NCOA4: variants seen among roughly 807,000 people sequenced by gnomAD.
NCOA4 encodes the protein nuclear receptor coactivator 4, also known as 70 kDa AR-activator.
Under a neutral mutation model 69.5 loss-of-function variants are expected in NCOA4, and 31 were observed. That is an observed-to-expected ratio of 0.45 (90% CI 0.34 to 0.60). NCOA4 has a LOEUF of 0.60. Ranked by LOEUF, NCOA4 falls within the 20% of genes least tolerant of loss-of-function variation. The pLI is 0.02. For synonymous variants in NCOA4, 228 were observed against 252.4 expected (o/e 0.90, Z 0.92); for missense variants, 600 against 719.2 (o/e 0.83, Z 1.90).
rs560900792 is a variant in NCOA4, at chr10:46,005,801, CTT to C, written c.*789_*790del. The C allele has an allele frequency of 3.9e-3, 830 of 211,170 alleles. 6 individuals are homozygous for C. The highest frequency in any genetic ancestry group is 0.017 in the African/African-American group (762 of 44,224). The allele number at this position is 211,170 out of a possible 1,614,324, so 13.1% of individuals were successfully genotyped here. ...GTACTATACTACATTTCCAACATGT[CTT>C]TTGCCTATTTGCTTAGTCGGTACTG... On this transcript the variant is annotated 3_prime_UTR_variant, in exon 10 of 10. Transcript: ENST00000581486.
At chr10:46,028,531 CCATTA>C (rs1331882601) in intron 1 of NCOA4, among the ~76,000 whole-genome samples, 1 of 148,360 alleles carries the variant, frequency 6.7e-6, no homozygotes, top group South Asian at 2.1e-4. Context: ...ATTATCATCA[CCATTA>C]ATTAAAAAAA....
At chr10:46,027,024 G>T (rs888256607) in intron 1 of NCOA4, among the ~76,000 whole-genome samples, 3 of 152,136 alleles carry the variant, frequency 2.0e-5, no homozygotes, top group Non-Finnish European at 4.4e-5. Flanking sequence ...CCAAAACTTT[G>T]GAAGGCCGAG....
intron 1 of NCOA4, among the ~76,000 whole-genome samples, chr10:46,023,112 G>A (rs149380661): frequency 6.6e-6 from 1 of 152,314 alleles, no homozygotes; most frequent in East Asian, 1.9e-4. Flanking sequence ...TCGAAAACAA[G>A]GCATTTCTAA....
chr10:46,006,951 C>T (rs143877889), intron 9 of NCOA4, among the ~76,000 whole-genome samples: 62 of 152,282 alleles, frequency 4.1e-4, no homozygotes, highest in Non-Finnish European at 7.5e-4. Flanking sequence ...TTCTTTAAAT[C>T]AAAAGCCAGA....
At position 46,014,892 on chromosome 10, in the gene NCOA4, G is replaced by A. The variant is rs782302180; in HGVS notation, c.333C>T (p.Asn111=). 2 of 1,614,124 alleles carry A rather than the reference G, an allele frequency of 1.2e-6. No homozygotes were observed. Among genetic ancestry groups the A allele is most frequent in the Non-Finnish European group, 1.7e-6 (2 of 1,180,004 alleles). ...CAGAGACTTGATTGGCTAGATCTTT[G>A]TTTTGGGTACACTCCAGTTGATGAG... ...CLTHQLECTQ[N]KDLANQVSVC... Residue 111 remains asparagine (N), a synonymous_variant, in exon 4 of 10, where the codon AAC becomes AAT. Coordinates refer to ENST00000581486, the MANE Select transcript of NCOA4 (RefSeq NM_001145263.2).
chr10:46,025,993 T>G (rs746639033), intron 1 of NCOA4, among the ~76,000 whole-genome samples: 1 of 152,214 alleles, frequency 6.6e-6, no homozygotes, highest in African/African-American at 2.4e-5. Context: ...AAAATGTCCC[T>G]GGCAATTGTA....
chr10:46,028,889 G>C (rs1284184028), intron 1 of NCOA4, among the ~76,000 whole-genome samples: 1 of 152,110 alleles, frequency 6.6e-6, no homozygotes, highest in Non-Finnish European at 1.5e-5. Flanking sequence ...GGCTCTGAAT[G>C]CTAACACTAT....
chr10:46,023,533 T>A (rs1464457951), intron 1 of NCOA4: 1 of 985,180 alleles, frequency 1.0e-6, no homozygotes, highest in Non-Finnish European at 1.2e-6. Flanking sequence ...ATTGTTGCCC[T>A]GCTCCCAGCC....
intron 9 of NCOA4, 36 bp from the exon 10 acceptor site, chr10:46,006,633 A>G (rs782309843): frequency 8.7e-6 from 14 of 1,613,108 alleles, no homozygotes; most frequent in Non-Finnish European, 1.2e-5. Context: ...AAGTTACTTC[A>G]ATGAAGAATA....
At chr10:46,024,492 CTATGTA>C (rs1364176155) in intron 1 of NCOA4, among the ~76,000 whole-genome samples, 5 of 152,310 alleles carry the variant, frequency 3.3e-5, no homozygotes, top group Non-Finnish European at 5.9e-5. Context: ...AGCTACTCCC[CTATGTA>C]TATGTTCACT....
At position 46,016,103 on chromosome 10, in the gene NCOA4, C is replaced by T. The variant is rs573641235; in HGVS notation, c.141+437G>A. Among the ~76,000 whole-genome samples the T allele has an allele frequency of 3.9e-5, 6 of 152,228 alleles. No homozygotes were observed. In the East Asian group the frequency reaches 1.2e-3, roughly 29 times the overall value. On this transcript the variant is annotated intron_variant, in intron 2 of 9. Coordinates refer to ENST00000581486, the MANE Select transcript of NCOA4 (RefSeq NM_001145263.2). ...AACAACAGATTTCACTCTGGCTTGCCCTAACAGATAGTCATTTACAGAACA... is the reference window on the plus strand; with the variant it reads ...AACAACAGATTTCACTCTGGCTTGCTCTAACAGATAGTCATTTACAGAACA...
intron 9 of NCOA4, among the ~76,000 whole-genome samples, chr10:46,008,081 T>C (rs549941502): frequency 3.3e-5 from 5 of 152,318 alleles, no homozygotes; most frequent in South Asian, 4.1e-4. Flanking sequence ...CCTTTCAAAA[T>C]ACTACACCCA....
intron 6 of NCOA4, 71 bp downstream of exon 6, chr10:46,013,479 T>C: frequency 9.0e-7 from 1 of 1,105,992 alleles, no homozygotes; most frequent in Non-Finnish European, 1.3e-6. Context: ...ATTTTTTTAA[T>C]GCTATATAAA....
Position 46,006,556 on chromosome 10 carries a change from A to C in NCOA4, c.*36T>G, listed in dbSNP as rs1838821347. The C allele has an allele frequency of 6.2e-7, 1 of 1,612,618 alleles. No homozygotes were observed. Among genetic ancestry groups the C allele is most frequent in the Non-Finnish European group, 8.5e-7 (1 of 1,179,060 alleles). On this transcript the variant is annotated 3_prime_UTR_variant, in exon 10 of 10. Coordinates refer to ENST00000581486, the MANE Select transcript of NCOA4 (RefSeq NM_001145263.2). Reference sequence around the variant, plus strand: ...GTCACTCAGCTCATGATGTGTGATAATCAGCAGAAAGGCTGCTCAACTCTT... The same window carrying C: ...GTCACTCAGCTCATGATGTGTGATACTCAGCAGAAAGGCTGCTCAACTCTT...
At chr10:46,027,499 T>A in intron 1 of NCOA4, 3 of 1,549,588 alleles carry the variant, frequency 1.9e-6, no homozygotes, top group Non-Finnish European at 2.6e-6. Context: ...TCATGTGCGT[T>A]CTATGTTGAA....
At chr10:46,007,260 C>T (rs145386979) in intron 9 of NCOA4, among the ~76,000 whole-genome samples, 60 of 152,254 alleles carry the variant, frequency 3.9e-4, no homozygotes, top group Middle Eastern at 6.8e-3. Flanking sequence ...CAGAGTAAGG[C>T]CCTAATTCTC....
At chr10:46,011,434 ATTT>A (rs75048856) in intron 7 of NCOA4, among the ~76,000 whole-genome samples, 3 of 145,392 alleles carry the variant, frequency 2.1e-5, no homozygotes. Context: ...CGCCCAGCTA[ATTT>A]TTTTTTTTTT....
chr10:46,006,663 T>G, intron 9 of NCOA4, 66 bp from the exon 10 acceptor site: 1 of 1,505,108 alleles, frequency 6.6e-7, no homozygotes, highest in Non-Finnish European at 9.3e-7. Context: ...TTTCCCTGCC[T>G]TAAAGCTCCG....
intron 9 of NCOA4, among the ~76,000 whole-genome samples, chr10:46,007,482 G>T (rs1554920087): frequency 6.6e-6 from 1 of 150,490 alleles, no homozygotes; most frequent in East Asian, 2.0e-4. Context: ...CCTATTGGAA[G>T]AAGTAGTCAT....
Sources: gnomAD v4.1 joint callset for allele counts (sites outside exome capture counted in the v4.1 genomes callset) on GRCh38, gnomAD v4.1.1 for gene constraint, MANE v1.5 for transcripts, NCBI Gene and HGNC (gene_info 2026-07-23, HGNC 2026-07-21) for gene names.